The following FAAH variants were observed in gnomAD, a reference collection of about 807,000 sequenced individuals.
FAAH encodes the protein fatty-acid amide hydrolase 1.
In FAAH, 63 loss-of-function variants were observed where a neutral mutation model predicts 69.7. That is an observed-to-expected ratio of 0.90 (90% confidence interval 0.74 to 1.12). The LOEUF (loss-of-function observed/expected upper bound fraction) is 1.12. FAAH is among the 50% of genes most tolerant of loss of function. The probability of loss-of-function intolerance (pLI) is 0.00; values close to 1 mark genes in which losing one functional copy is unlikely to be tolerated. For synonymous variants in FAAH, 305 were observed against 324.2 expected (o/e 0.94, Z 0.64); for missense variants, 680 against 755.0 (o/e 0.90, Z 1.16).
Position 46,405,048 on chromosome 1 carries a change from C to A in FAAH, c.344C>A (p.Thr115Asn). 1 of 1,614,118 alleles carries A rather than the reference C, an allele frequency of 6.2e-7. No individual in the cohort carries two copies. Among genetic ancestry groups the A allele is most frequent in the Non-Finnish European group, 8.5e-7 (1 of 1,180,032 alleles). The change falls in exon 3 of 15, where the codon ACC becomes AAC. Residue 115 changes from threonine to asparagine, a missense_variant. Thr to Asn is a moderately conservative substitution (Grantham distance 65). Transcript: ENST00000243167. This position sits in a 1 kb window ranked among gnomAD's most constrained non-coding sequence, Gnocchi z 4.1. ...GTGAACAAAGGGACCAACTGTGTGA[C>A]CTCCTATCTGGCTGACTGTGAGACT... ...WEVNKGTNCVTSYLADCETQL... is the reference protein window; with the variant it reads ...WEVNKGTNCVNSYLADCETQL...
chr1:46,412,534 G>A (rs1262391200), intron 13 of FAAH, among the ~76,000 whole-genome samples: 5 of 152,212 alleles, frequency 3.3e-5, no homozygotes, highest in African/African-American at 9.6e-5. Flanking sequence ...ATAGGGGCCA[G>A]GGCGGTGGCT....
intron 13 of FAAH, 118 bp from the exon 14 acceptor site, chr1:46,412,957 A>C: frequency 2.4e-6 from 3 of 1,266,058 alleles, no homozygotes; most frequent in Non-Finnish European, 3.4e-6. Context: ...CAGTCCTGGG[A>C]GAGAGCCTTT....
chr1:46,395,568 CCTT>C (rs1434748871), intron 1 of FAAH, among the ~76,000 whole-genome samples: 2 of 152,128 alleles, frequency 1.3e-5, no homozygotes, highest in East Asian at 1.9e-4. Flanking sequence ...CCAGTTAAAG[CCTT>C]CTTATGTGCT....
Position 46,404,953 on chromosome 1 carries a change from C to T in FAAH, c.310-61C>T. 1.9e-6 allele frequency: 3 copies of T among 1,610,922 alleles called. No homozygotes were observed. Among genetic ancestry groups the T allele is most frequent in the South Asian group, 2.2e-5 (2 of 90,846 alleles). On this transcript the variant is annotated intron_variant, in intron 2 of 14. Transcript: ENST00000243167. The surrounding 1 kb of genome is among the most constrained non-coding windows in gnomAD (Gnocchi z 4.5). ...GGCCAGTTCTACATGATGTATATTT[C>T]ACCACAATTTCTTAAAAAGGCCAGC...
intron 2 of FAAH, 49 bp downstream of exon 2, chr1:46,402,253 A>G: frequency 6.9e-7 from 1 of 1,453,438 alleles, no homozygotes. Flanking sequence ...AAGGCCAGCC[A>G]AGGCCAGCCC....
Position 46,402,073 on chromosome 1 carries a change from C to G in FAAH, c.196-18C>G, listed in dbSNP as rs1234724000. On this transcript the variant is annotated intron_variant, in intron 1 of 14. Transcript: ENST00000243167. ...GACTTCGGCGAGTAGGGGACTGATC[C>G]GAGTTTGTTCCCCACAGAACCCAGA... is the stretch of plus-strand genomic sequence containing the variant. The G allele has an allele frequency of 6.3e-6, 10 of 1,586,654 alleles. No homozygotes were observed. The highest frequency in any genetic ancestry group is 7.7e-6 in the Non-Finnish European group (9 of 1,164,104).
chr1:46,394,355 C>T lies in FAAH; in HGVS notation c.7C>T (p.Gln3Ter). 6.4e-7 allele frequency: 1 copy of T among 1,557,286 alleles called. No homozygotes were observed. Among genetic ancestry groups the T allele is most frequent in the Admixed American group, 1.8e-5 (1 of 54,880 alleles). MV[Q>*]YELWAALPGA... ...GCAGCAGGCTGAAGGGATCATGGTG[C>T]AGTACGAGCTGTGGGCCGCGCTGCC... Residue 3 changes from glutamine to a stop codon, truncating the protein, a stop_gained, in exon 1 of 15, where the codon CAG (glutamine) becomes TAG (stop). Coordinates refer to ENST00000243167, the MANE Select transcript of FAAH (RefSeq NM_001441.3). LOFTEE classifies it high-confidence loss of function.
rs746243262 is a variant in FAAH, at chr1:46,406,075, GC to G, written c.824del (p.Ala275GlufsTer68). The G allele has an allele frequency of 5.3e-5, 85 of 1,614,094 alleles. No individual in the cohort carries two copies. The highest frequency in any genetic ancestry group is 6.6e-5 in the Non-Finnish European group (78 of 1,180,048). On this transcript the variant is annotated frameshift_variant and splice_region_variant, in exon 6 of 15. Transcript: ENST00000243167. LOFTEE classifies it high-confidence loss of function. ...GAAGGGCTGTGTCTATGGACAGGAG[GC>G]AGGTGAGGTCCGTGGTGCTCTCAGT... is the stretch of plus-strand genomic sequence containing the variant. ...GLKGCVYGQE[A>X]VRLSVGPMAR...
intron 7 of FAAH, among the ~76,000 whole-genome samples, chr1:46,407,022 C>T (rs756406361): frequency 4.6e-5 from 7 of 151,974 alleles, no homozygotes; most frequent in Non-Finnish European, 8.8e-5. Flanking sequence ...GTATTCCTGT[C>T]CACATTTTGG....
At chr1:46,409,414 C>T in intron 9 of FAAH, 2 of 555,834 alleles carry the variant, frequency 3.6e-6, no homozygotes, top group South Asian at 3.5e-5. Flanking sequence ...GGTTGAGTAT[C>T]TGTGGCCTAC....
intron 8 of FAAH, 113 bp downstream of exon 8, chr1:46,408,697 CGGG>C: frequency 6.5e-7 from 1 of 1,537,812 alleles, no homozygotes; most frequent in East Asian, 2.2e-5. Flanking sequence ...ATGTTGTCGT[CGGG>C]GTGAACTGTG....
intron 12 of FAAH, 78 bp from the exon 13 acceptor site, chr1:46,412,065 A>G: frequency 7.7e-7 from 1 of 1,293,162 alleles, no homozygotes; most frequent in African/African-American, 1.5e-5. Context: ...GAGCCACCCC[A>G]GCCACAGTCC....
In FAAH at chr1:46,405,532, G is replaced by T; in HGVS notation, c.578+27G>T. The T allele has an allele frequency of 6.2e-7, 1 of 1,611,152 alleles. No individual in the cohort carries two copies. The highest frequency in any genetic ancestry group is 1.1e-5 in the South Asian group (1 of 91,036). ...TTGGGTCTTGGGGTGGGGCGGGGCGGGGCAGGGGCACCGGTCCCAGCATGG... is the reference window on the plus strand; with the variant it reads ...TTGGGTCTTGGGGTGGGGCGGGGCGTGGCAGGGGCACCGGTCCCAGCATGG... On this transcript the variant is annotated intron_variant, in intron 4 of 14. Transcript: ENST00000243167. The surrounding 1 kb of genome is among the most constrained non-coding windows in gnomAD (Gnocchi z 4.1).
chr1:46,404,904 C>G lies in FAAH; in HGVS notation c.310-110C>G, dbSNP rs1664762446. On this transcript the variant is annotated intron_variant, in intron 2 of 14. Transcript: ENST00000243167. This position sits in a 1 kb window ranked among gnomAD's most constrained non-coding sequence, Gnocchi z 4.5. ...GCTCTGGGCCATGTTGCTGGTTACC[C>G]CTCTCCCTGGGTATACTTTAAAAGG... 3 of 1,467,744 alleles carry G rather than the reference C, an allele frequency of 2.0e-6. No individual in the cohort carries two copies. 90.9% of individuals were successfully genotyped at this position (1,467,744 alleles called of 1,614,324 possible).
At position 46,410,668 on chromosome 1, in the gene FAAH, C is replaced by A; in HGVS notation, c.1276-146C>A. 1 of 1,163,500 alleles carries A rather than the reference C, an allele frequency of 8.6e-7. No homozygotes were observed. Among genetic ancestry groups the A allele is most frequent in the Non-Finnish European group, 1.3e-6 (1 of 775,458 alleles). 72.1% of individuals were successfully genotyped at this position (1,163,500 alleles called of 1,614,324 possible). A position where few individuals can be genotyped will look rare whatever the true frequency, so the allele number is the denominator to read the frequency against. On this transcript the variant is annotated intron_variant, in intron 10 of 14. Coordinates refer to ENST00000243167, the MANE Select transcript of FAAH (RefSeq NM_001441.3). The surrounding 1 kb of genome is among the most constrained non-coding windows in gnomAD (Gnocchi z 4.9). ...CTCCTCCTCTGTCCCCTGCGATCTT[C>A]AGCCAACCCGCATGCTGAAAGGGGT...
intron 2 of FAAH, among the ~76,000 whole-genome samples, chr1:46,403,162 G>T (rs1278642929): frequency 6.7e-6 from 1 of 150,206 alleles, no homozygotes; most frequent in Non-Finnish European, 1.5e-5. Context: ...TGGGAGTCTT[G>T]CTCTGTCGCC....
Position 46,404,958 on chromosome 1 carries a change from C to T in FAAH, c.310-56C>T, listed in dbSNP as rs1664762954. On this transcript the variant is annotated intron_variant, in intron 2 of 14. Coordinates refer to ENST00000243167, the MANE Select transcript of FAAH (RefSeq NM_001441.3). The surrounding 1 kb of genome is among the most constrained non-coding windows in gnomAD (Gnocchi z 4.5). ...GTTCTACATGATGTATATTTCACCA[C>T]AATTTCTTAAAAAGGCCAGCCTCCT... 3 of 1,612,480 alleles carry T rather than the reference C, an allele frequency of 1.9e-6. No individual in the cohort carries two copies. Among genetic ancestry groups the T allele is most frequent in the Non-Finnish European group, 2.5e-6 (3 of 1,179,344 alleles).
chr1:46,395,648 G>T (rs1182353027), intron 1 of FAAH, among the ~76,000 whole-genome samples: 2 of 152,228 alleles, frequency 1.3e-5, no homozygotes, highest in African/African-American at 2.4e-5. Flanking sequence ...GTTGGGAACC[G>T]CAGGACTCAG....
chr1:46,394,419 C>A lies in FAAH; in HGVS notation c.71C>A (p.Ala24Glu), dbSNP rs773316338. The A allele has an allele frequency of 1.4e-6, 2 of 1,476,218 alleles. No homozygotes were observed. Among genetic ancestry groups the A allele is most frequent in the East Asian group, 3.0e-5 (1 of 33,658 alleles). 91.4% of individuals were successfully genotyped at this position (1,476,218 alleles called of 1,614,324 possible). Reference protein sequence around the residue: ...SGVALACCFVAAAVALRWSGR... With the variant: ...SGVALACCFVEAAVALRWSGR... ...GTCGCCCTGGCCTGCTGCTTCGTGG[C>A]GGCGGCCGTGGCCCTGCGCTGGTCC... The change falls in exon 1 of 15, where the codon GCG becomes GAG. Residue 24 changes from alanine to glutamate, a missense_variant. Transcript: ENST00000243167.
Sources: gnomAD v4.1 joint callset for allele counts (sites outside exome capture counted in the v4.1 genomes callset) on GRCh38, gnomAD v4.1.1 for gene constraint, Gnocchi (gnomAD v3.1) non-coding constraint, MANE v1.5 for transcripts, NCBI Gene and HGNC (gene_info 2026-07-23, HGNC 2026-07-21) for gene names.